The following HIVEP3 variants were observed in gnomAD, a reference collection of about 807,000 sequenced individuals.
HIVEP3 encodes the protein HIVEP zinc finger 3.
HIVEP3 carries 49 observed loss-of-function variants against 152.8 expected under a neutral mutation model. The observed-to-expected ratio is 0.32, with a 90% CI of 0.26 to 0.41. HIVEP3 has a LOEUF of 0.41. HIVEP3 is among the 10% of genes least tolerant of loss of function. The pLI is 1.00. For missense variants in HIVEP3, 2,790 were observed against 3,103.3 expected, an observed-to-expected ratio of 0.90 and a Z score of 2.40; for synonymous variants, 1,269 against 1,289.0, an observed-to-expected ratio of 0.98 and a Z score of 0.33.
At chr1:41,514,986 A>G (rs1386143893) in intron 7 of HIVEP3, among the ~76,000 whole-genome samples, 1 of 152,188 alleles carries the variant, frequency 6.6e-6, no homozygotes, top group Non-Finnish European at 1.5e-5. Context: ...GCATCTCTGA[A>G]ATGGACAGCA....
chr1:42,011,047 G>C (rs1225147196), intron 1 of HIVEP3, among the ~76,000 whole-genome samples: 1 of 152,168 alleles, frequency 6.6e-6, no homozygotes, highest in Non-Finnish European at 1.5e-5. Context: ...CATCTAGCTT[G>C]TCTTGATGAA....
intron 5 of HIVEP3, among the ~76,000 whole-genome samples, chr1:41,561,971 A>G (rs1316489142): frequency 2.0e-5 from 3 of 152,174 alleles, no homozygotes; most frequent in Non-Finnish European, 2.9e-5. Flanking sequence ...GCCTGAAGAA[A>G]ATCAGAATCA....
chr1:41,510,464 G>GTA lies in HIVEP3; in HGVS notation c.7207_7208insTA (p.Pro2403LeufsTer80). ...GTTGGAGAGAGGCTAAGCGTTGGGG[G>GTA]GAACCCTGTCCTCAGGCTGATGTGG... On this transcript the variant is annotated frameshift_variant, in exon 9 of 9. Transcript: ENST00000372583. LOFTEE classifies it high-confidence loss of function. 6.6e-7 allele frequency: 1 copy of GTA among 1,504,238 alleles called. No homozygotes were observed. The highest frequency in any genetic ancestry group is 8.9e-7 in the Non-Finnish European group (1 of 1,124,198). 93.2% of individuals were successfully genotyped at this position (1,504,238 alleles called of 1,614,324 possible).
intron 1 of HIVEP3, among the ~76,000 whole-genome samples, chr1:41,904,827 T>A (rs1395301132): frequency 6.6e-6 from 1 of 152,220 alleles, no homozygotes; most frequent in African/African-American, 2.4e-5. Context: ...TTTGTTTCCA[T>A]CTCTGCCCTC....
upstream of HIVEP3, among the ~76,000 whole-genome samples, chr1:41,923,179 TAAAAA>T (rs1644950224): frequency 6.6e-6 from 1 of 152,244 alleles, no homozygotes; most frequent in Non-Finnish European, 1.5e-5. Flanking sequence ...AGTTAAGTAA[TAAAAA>T]CTGAATTTTA....
intron 1 of HIVEP3, among the ~76,000 whole-genome samples, chr1:41,915,720 T>C (rs1369435845): frequency 2.0e-5 from 3 of 152,230 alleles, no homozygotes; most frequent in Non-Finnish European, 2.9e-5. Flanking sequence ...ACTAAACGTA[T>C]CTCATTTTTC....
intron 1 of HIVEP3, among the ~76,000 whole-genome samples, chr1:41,702,664 C>T (rs531029630): frequency 2.6e-5 from 4 of 152,358 alleles, no homozygotes; most frequent in African/African-American, 9.6e-5. Flanking sequence ...AATTTCTCCT[C>T]CTGGCCTGTG....
chr1:41,608,205 A>C (rs1644848643), intron 3 of HIVEP3, among the ~76,000 whole-genome samples: 1 of 152,210 alleles, frequency 6.6e-6, no homozygotes, highest in Admixed American at 6.5e-5. Flanking sequence ...GGTTCCCTGC[A>C]GGAGGGTGAA....
Position 41,790,827 on chromosome 1 carries a change from G to A in HIVEP3, c.-800-89832C>T, listed in dbSNP as rs983450523. 3.9e-5 allele frequency among the ~76,000 whole-genome samples: 6 copies of A among 152,006 alleles called. No individual in the cohort carries two copies. The South Asian group carries it at 8.3e-4, about 21-fold the overall frequency. On this transcript the variant is annotated intron_variant, in intron 1 of 8. Transcript: ENST00000372583. ...TTTATCTCCTTGGTCCCTAACACTT[G>A]TCCTAGCATATCCCATGCTCCCTCA...
chr1:41,594,595 A>G (rs1644636843), intron 3 of HIVEP3, among the ~76,000 whole-genome samples: 1 of 152,136 alleles, frequency 6.6e-6, no homozygotes. Flanking sequence ...ATATTCAGTT[A>G]TTTCATTTGG....
At chr1:41,640,569 G>A (rs1645357261) in intron 2 of HIVEP3, among the ~76,000 whole-genome samples, 1 of 152,180 alleles carries the variant, frequency 6.6e-6, no homozygotes, top group African/African-American at 2.4e-5. Flanking sequence ...GTCTCAGGCT[G>A]TGATGGATCT....
chr1:41,745,988 A>C (rs1647065794), intron 1 of HIVEP3, among the ~76,000 whole-genome samples: 1 of 152,184 alleles, frequency 6.6e-6, no homozygotes, highest in African/African-American at 2.4e-5. Flanking sequence ...CAACGAATGA[A>C]TGGCTAAGTC....
Position 41,785,770 on chromosome 1 carries a change from G to T in HIVEP3, c.-800-84775C>A, listed in dbSNP as rs549182676. On this transcript the variant is annotated intron_variant, in intron 1 of 8. Transcript: ENST00000372583. ...CCAGCACTTTGGGAGACCAAGGTGGGTGGATCACCTGAGGTCAGGAGTTCA... is the reference window on the plus strand; with the variant it reads ...CCAGCACTTTGGGAGACCAAGGTGGTTGGATCACCTGAGGTCAGGAGTTCA... Among the ~76,000 whole-genome samples, 14 of 152,332 alleles carry T rather than the reference G, an allele frequency of 9.2e-5. No individual in the cohort carries two copies. In the East Asian group the frequency reaches 2.7e-3, roughly 29 times the overall value.
chr1:41,889,839 C>T lies in HIVEP3; in HGVS notation c.-801+28574G>A, dbSNP rs186018047. On this transcript the variant is annotated intron_variant, in intron 1 of 8. Coordinates refer to ENST00000372583, the MANE Select transcript of HIVEP3 (RefSeq NM_024503.5). ...TTTGCAGTCTCCTTTATACTCATCACTCCCATCTAATCCTCACAAGAACCC... is the reference window on the plus strand; with the variant it reads ...TTTGCAGTCTCCTTTATACTCATCATTCCCATCTAATCCTCACAAGAACCC... 5.3e-5 allele frequency among the ~76,000 whole-genome samples: 8 copies of T among 152,336 alleles called. No homozygotes were observed. In the East Asian group the frequency reaches 1.4e-3, roughly 26 times the overall value.
chr1:42,026,868 C>T (rs1382134338), intron 1 of HIVEP3, among the ~76,000 whole-genome samples: 1 of 152,206 alleles, frequency 6.6e-6, no homozygotes, highest in Admixed American at 6.5e-5. Flanking sequence ...TCAGGGTGGA[C>T]TTTTCATCTT....
rs867419082 is a variant in HIVEP3 at position 41,662,217 on chromosome 1, G to T, written c.-720-33270C>A. 2 of 145,450 alleles carry T rather than the reference G, an allele frequency of 1.4e-5. No individual in the cohort carries two copies. The highest frequency in any genetic ancestry group is 2.5e-5 in the African/African-American group (1 of 40,630). The allele number at this position is 145,450 out of a possible 1,614,324, so 9.0% of individuals were successfully genotyped here. A position where few individuals can be genotyped will look rare whatever the true frequency, so the allele number is the denominator to read the frequency against. On this transcript the variant is annotated intron_variant, in intron 2 of 8. Transcript: ENST00000372583. The surrounding 1 kb of genome is among the most constrained non-coding windows in gnomAD (Gnocchi z 7.2). ...GCGCTGGGCTGCGCGCCCGGCCTCC[G>T]CGCGGCTCGGCAGCGCCCGCGCGCT...
At chr1:41,881,642 G>A (rs544088435) in intron 1 of HIVEP3, among the ~76,000 whole-genome samples, 41 of 152,252 alleles carry the variant, frequency 2.7e-4, no homozygotes, top group Middle Eastern at 3.4e-3. Context: ...GACACATGAT[G>A]GACTATCTCC....
At chr1:41,560,431 T>C (rs940870419) in intron 5 of HIVEP3, among the ~76,000 whole-genome samples, 4 of 152,166 alleles carry the variant, frequency 2.6e-5, no homozygotes, top group African/African-American at 9.7e-5. Flanking sequence ...TACCAGGCCC[T>C]GGGCAACTGT....
intron 1 of HIVEP3, among the ~76,000 whole-genome samples, chr1:41,981,207 A>G (rs899644556): frequency 3.9e-5 from 6 of 152,194 alleles, no homozygotes; most frequent in East Asian, 3.9e-4. Context: ...GTGTCTCCAA[A>G]GGGAGCAAGC....
Sources: allele counts gnomAD v4.1 joint callset (sites outside exome capture counted in the v4.1 genomes callset), GRCh38; gene constraint gnomAD v4.1.1; non-coding constraint Gnocchi (gnomAD v3.1); transcripts MANE v1.5; gene names NCBI Gene and HGNC (gene_info 2026-07-23, HGNC 2026-07-21).